The following DPP6 variants were observed in gnomAD, a reference collection of about 807,000 sequenced individuals.
DPP6 encodes the protein dipeptidyl peptidase like 6, also known as A-type potassium channel modulatory protein DPP6.
A neutral mutation model predicts 122.6 loss-of-function variants in DPP6; 69 were observed. The observed-to-expected ratio is 0.56, with a 90% CI of 0.46 to 0.69. The LOEUF (loss-of-function observed/expected upper bound fraction) is 0.69, where lower values mean the gene tolerates loss of function less well. Among genes scored for constraint, DPP6 ranks in the 30% least tolerant of loss-of-function variants. The probability of loss-of-function intolerance (pLI) is 0.00; values close to 1 mark genes in which losing one functional copy is unlikely to be tolerated. For synonymous variants in DPP6, 418 were observed against 433.1 expected, an observed-to-expected ratio of 0.97 and a Z score of 0.43; for missense variants, 928 against 1,116.9, an observed-to-expected ratio of 0.83 and a Z score of 2.41.
chr7:154,105,397 C>G (rs1462348663), intron 1 of DPP6, among the ~76,000 whole-genome samples: 1 of 152,208 alleles, frequency 6.6e-6, no homozygotes, highest in African/African-American at 2.4e-5. Flanking sequence ...CACTGCGGAG[C>G]CTGTGTCTGA....
At chr7:153,913,504 G>T (rs1045496115) in intron 1 of DPP6, among the ~76,000 whole-genome samples, 1 of 152,154 alleles carries the variant, frequency 6.6e-6, no homozygotes, top group Admixed American at 6.6e-5. Context: ...AAAATATGAT[G>T]ACTGACCTTA....
intron 1 of DPP6, among the ~76,000 whole-genome samples, chr7:154,249,972 G>C (rs1289018307): frequency 2.0e-5 from 3 of 152,182 alleles, no homozygotes; most frequent in Admixed American, 1.3e-4. Context: ...GGGCCTGGTA[G>C]TTAAAAATCA....
chr7:154,795,772 A>G (rs1798006181), intron 11 of DPP6, 73 bp from the exon 12 acceptor site: 1 of 1,540,548 alleles, frequency 6.5e-7, no homozygotes, highest in Admixed American at 2.0e-5. Flanking sequence ...TCGGTCACAG[A>G]CACAATACAT....
intron 1 of DPP6, among the ~76,000 whole-genome samples, chr7:154,386,705 C>G (rs967047884): frequency 2.0e-5 from 3 of 152,078 alleles, no homozygotes; most frequent in Admixed American, 2.0e-4. Context: ...TAGGTTAACT[C>G]GGAACAGGAG....
At position 154,371,401 on chromosome 7, in the gene DPP6, A is replaced by AAAAAG. The variant is rs1554529695; in HGVS notation, c.244-74810_244-74809insAGAAA. Among the ~76,000 whole-genome samples, 11 of 120,628 alleles carry AAAAAG rather than the reference A, an allele frequency of 9.1e-5. No individual in the cohort carries two copies. In the East Asian group the frequency reaches 1.7e-3, roughly 19 times the overall value. 79.1% of individuals were successfully genotyped at this position (120,628 alleles called of 152,430 possible). On this transcript the variant is annotated intron_variant, in intron 1 of 25. Coordinates refer to ENST00000377770, the MANE Select transcript of DPP6 (RefSeq NM_130797.4). ...CTCAAAAAAAAAAAAAAAAAAAAAA[A>AAAAAG]AAAGAAAGAAAGAAAGAAAGACAGA...
At chr7:154,274,513 G>C in intron 1 of DPP6, among the ~76,000 whole-genome samples, 1 of 152,148 alleles carries the variant, frequency 6.6e-6, no homozygotes, top group East Asian at 1.9e-4. Context: ...ACGCTGACGA[G>C]GTGAGTCCTT....
chr7:154,246,511 C>A (rs1207108716), intron 1 of DPP6, among the ~76,000 whole-genome samples: 1 of 152,028 alleles, frequency 6.6e-6, no homozygotes, highest in Non-Finnish European at 1.5e-5. Context: ...AAAATTCCAA[C>A]AAGGTGGTAG....
chr7:153,893,662 ATCT>A (rs2128994879), intron 1 of DPP6, among the ~76,000 whole-genome samples: 1 of 152,340 alleles, frequency 6.6e-6, no homozygotes, highest in Non-Finnish European at 1.5e-5. Context: ...TGATGCATCA[ATCT>A]TCTTTATTTG....
At chr7:154,503,747 A>G (rs1349942564) in intron 3 of DPP6, among the ~76,000 whole-genome samples, 1 of 152,206 alleles carries the variant, frequency 6.6e-6, no homozygotes, top group African/African-American at 2.4e-5. Context: ...TGAGGCTTAC[A>G]GATGTTTTTG....
rs1271324679 is a variant in DPP6, at chr7:154,210,512, A to C, written c.243+157449A>C. 3.3e-5 allele frequency among the ~76,000 whole-genome samples: 5 copies of C among 152,202 alleles called. No homozygotes were observed. In the East Asian group the frequency reaches 9.6e-4, roughly 29 times the overall value. ...TGGTGTTGGAAGGATTCTATGATTAATACCTAGGAAAAACTTGTGAGTGTC... is the reference window on the plus strand; with the variant it reads ...TGGTGTTGGAAGGATTCTATGATTACTACCTAGGAAAAACTTGTGAGTGTC... On this transcript the variant is annotated intron_variant, in intron 1 of 25. Transcript: ENST00000377770.
At chr7:154,609,343 A>G (rs1320054704) in intron 5 of DPP6, among the ~76,000 whole-genome samples, 1 of 152,166 alleles carries the variant, frequency 6.6e-6, no homozygotes, top group Non-Finnish European at 1.5e-5. Flanking sequence ...TTTCTTACAC[A>G]TTTTCAGAGT....
At chr7:154,552,564 G>C (rs1019961193) in intron 4 of DPP6, among the ~76,000 whole-genome samples, 2 of 152,202 alleles carry the variant, frequency 1.3e-5, no homozygotes, top group African/African-American at 4.8e-5. Flanking sequence ...AGCTGTGCTG[G>C]ATGGTCCATG....
the DPP6 span, among the ~76,000 whole-genome samples, chr7:153,771,652 T>C: frequency 6.6e-6 from 1 of 152,192 alleles, no homozygotes; most frequent in Non-Finnish European, 1.5e-5. Context: ...CCTGAAGTGA[T>C]CTTTTTGAAA....
At chr7:154,099,105 A>G (rs1805546256) in intron 1 of DPP6, among the ~76,000 whole-genome samples, 1 of 152,240 alleles carries the variant, frequency 6.6e-6, no homozygotes, top group South Asian at 2.1e-4. Context: ...TCAGTGATAG[A>G]AAATGGAGGT....
At chr7:154,489,140 T>C (rs1341581007) in intron 3 of DPP6, among the ~76,000 whole-genome samples, 2 of 152,192 alleles carry the variant, frequency 1.3e-5, no homozygotes, top group African/African-American at 4.8e-5. Context: ...TTATGGGGTC[T>C]TCCAACAACT....
rs79446558 is a variant in DPP6, at chr7:154,855,661, G to A, written c.1714+1834G>A. 4.5e-3 allele frequency among the ~76,000 whole-genome samples: 691 copies of A among 152,314 alleles called. 2 individuals carry two copies. Among genetic ancestry groups the A allele is most frequent in the Non-Finnish European group, 7.1e-3 (483 of 68,026 alleles). On this transcript the variant is annotated intron_variant, in intron 17 of 25. Transcript: ENST00000377770. ...GCTGTGAAGGGCCCTCCAGGAGGCC[G>A]CAGAGGCCAAGCTAGAACTTCCACC... is the stretch of plus-strand genomic sequence containing the variant.
the DPP6 span, among the ~76,000 whole-genome samples, chr7:153,824,458 G>A: frequency 6.6e-6 from 1 of 151,444 alleles, no homozygotes; most frequent in South Asian, 2.1e-4. Context: ...AGGCCGAGGT[G>A]GGTGGATCAC....
Position 154,601,804 on chromosome 7 carries a change from T to G in DPP6, c.627+34888T>G, listed in dbSNP as rs1483696337. ...ACATCCATGAGCATTTGTTAGGTAT[T>G]GTCCAAGGCTGTTTTTGTACTTCCA... On this transcript the variant is annotated intron_variant, in intron 5 of 25. Transcript: ENST00000377770. 2.5e-5 allele frequency among the ~76,000 whole-genome samples: 3 copies of G among 121,006 alleles called. 1 individual carries two copies. The highest frequency in any genetic ancestry group is 5.6e-5 in the Non-Finnish European group (3 of 53,738). 79.4% of individuals were successfully genotyped at this position (121,006 alleles called of 152,430 possible). A position where few individuals can be genotyped will look rare whatever the true frequency, so the allele number is the denominator to read the frequency against.
At chr7:154,866,644 G>A (rs527701561) in intron 17 of DPP6, among the ~76,000 whole-genome samples, 1 of 152,198 alleles carries the variant, frequency 6.6e-6, no homozygotes, top group Non-Finnish European at 1.5e-5. Flanking sequence ...CGTGGTGTTC[G>A]GAACCTTTCC....
Sources: allele counts gnomAD v4.1 joint callset (sites outside exome capture counted in the v4.1 genomes callset), GRCh38; gene constraint gnomAD v4.1.1; transcripts MANE v1.5; gene names NCBI Gene and HGNC (gene_info 2026-07-23, HGNC 2026-07-21).